PXDN: variants seen among roughly 807,000 people sequenced by gnomAD.
The protein encoded by PXDN is peroxidasin.
In PXDN, 77 loss-of-function variants were observed where a neutral mutation model predicts 140.3. The observed-to-expected ratio is 0.55, with a 90% CI of 0.46 to 0.66. The LOEUF is 0.66. Ranked by LOEUF, PXDN falls within the 30% of genes least tolerant of loss-of-function variation. The pLI, the probability that PXDN is intolerant of heterozygous loss-of-function variation, is 0.00. For synonymous variants in PXDN, 911 were observed against 857.4 expected, an observed-to-expected ratio of 1.06 and a Z score of -1.09; for missense variants, 1,838 against 2,039.5, an observed-to-expected ratio of 0.90 and a Z score of 1.90.
rs147023574 is a variant in PXDN at position 1,647,445 on chromosome 2, T to C, written c.3608+727A>G. Among the ~76,000 whole-genome samples the C allele has an allele frequency of 5.8e-3, 889 of 152,280 alleles. 12 individuals are homozygous for C. The highest frequency in any genetic ancestry group is 0.02 in the African/African-American group (841 of 41,542). On this transcript the variant is annotated intron_variant, in intron 17 of 22. Transcript: ENST00000252804. ...CTGGGTAGTGCTGTGGTCACTGCTT[T>C]GCCTGTAAAACTTTGCCATTTTTTC...
chr2:1,727,947 C>T (rs1427735415), intron 1 of PXDN, among the ~76,000 whole-genome samples: 1 of 152,132 alleles, frequency 6.6e-6, no homozygotes, highest in Non-Finnish European at 1.5e-5. Context: ...TTTGTTCTCT[C>T]TTCTTTGAGA....
intron 9 of PXDN, among the ~76,000 whole-genome samples, chr2:1,668,593 A>C (rs887229866): frequency 7.3e-6 from 1 of 136,922 alleles, no homozygotes; most frequent in Non-Finnish European, 1.6e-5. Context: ...AAGGAACTTA[A>C]ACAAATTTAC....
intron 1 of PXDN, among the ~76,000 whole-genome samples, chr2:1,723,087 G>GATGGATGAGTGGTT (rs1265613147): frequency 6.6e-6 from 1 of 152,190 alleles, no homozygotes. Flanking sequence ...TGGATGAATA[G>GATGGATGAGTGGTT]ATGGATGAGT....
chr2:1,742,285 C>A (rs866272504), intron 1 of PXDN, among the ~76,000 whole-genome samples: 10 of 152,334 alleles, frequency 6.6e-5, no homozygotes, highest in South Asian at 2.1e-4. Flanking sequence ...TAACAGCTAC[C>A]AGTCTACCTG....
At chr2:1,690,124 C>T (rs2125448872) in intron 3 of PXDN, among the ~76,000 whole-genome samples, 1 of 152,362 alleles carries the variant, frequency 6.6e-6, no homozygotes, top group East Asian at 1.9e-4. Context: ...ATCAAATGTA[C>T]TCCACCAATG....
At chr2:1,727,865 G>C (rs12714327) in intron 1 of PXDN, among the ~76,000 whole-genome samples, 1 of 152,048 alleles carries the variant, frequency 6.6e-6, no homozygotes, top group East Asian at 1.9e-4. Context: ...CTCCCCTAAA[G>C]AAGATTGGTT....
At position 1,654,295 on chromosome 2, in the gene PXDN, A is replaced by G. The variant is rs541153890; in HGVS notation, c.1946+105T>C. 74 of 738,074 alleles carry G rather than the reference A, an allele frequency of 1.0e-4. 1 individual carries two copies. The South Asian group carries it at 1.5e-3, about 15-fold the overall frequency. The allele number at this position is 738,074 out of a possible 1,614,324, so 45.7% of individuals were successfully genotyped here. A position where few individuals can be genotyped will look rare whatever the true frequency, so the allele number is the denominator to read the frequency against. On this transcript the variant is annotated intron_variant, in intron 15 of 22. Transcript: ENST00000252804. ...TAAACATTTTGATCATCAGATAATC[A>G]AATCAAAATTCATATATTAGAACTG...
chr2:1,648,046 C>A lies in PXDN; in HGVS notation c.3608+126G>T. On this transcript the variant is annotated intron_variant, in intron 17 of 22. Coordinates refer to ENST00000252804, the MANE Select transcript of PXDN (RefSeq NM_012293.3). The surrounding 1 kb of genome is among the most constrained non-coding windows in gnomAD (Gnocchi z 8.9). ...CCCATCTTGACCTTCATGGACTTGACCTTCATCTCACCTCTGCACGACACG... is the reference window on the plus strand; with the variant it reads ...CCCATCTTGACCTTCATGGACTTGAACTTCATCTCACCTCTGCACGACACG... 1.5e-6 allele frequency: 2 copies of A among 1,292,516 alleles called. No individual in the cohort carries two copies. The highest frequency in any genetic ancestry group is 1.9e-4 in the Middle Eastern group (1 of 5,170). The allele number at this position is 1,292,516 out of a possible 1,614,324, so 80.1% of individuals were successfully genotyped here.
At chr2:1,713,661 C>T (rs923498528) in intron 1 of PXDN, among the ~76,000 whole-genome samples, 33 of 152,318 alleles carry the variant, frequency 2.2e-4, no homozygotes, top group African/African-American at 7.5e-4. Flanking sequence ...AGCCTCGGTC[C>T]CCCCGAATGC....
At chr2:1,658,245 T>TTTCC (rs138478887) in intron 14 of PXDN, among the ~76,000 whole-genome samples, 1 of 137,338 alleles carries the variant, frequency 7.3e-6, no homozygotes, top group African/African-American at 3.6e-5. Context: ...GCTGTTGTCT[T>TTTCC]CAAATTTACA....
intron 17 of PXDN, 57 bp from the exon 18 acceptor site, chr2:1,644,809 T>C (rs1682814512): frequency 1.5e-6 from 2 of 1,337,406 alleles, no homozygotes; most frequent in African/African-American, 1.5e-5. Flanking sequence ...TGGTAAAAAA[T>C]ACAGCAAATA....
At chr2:1,690,257 A>T (rs1478639190) in intron 3 of PXDN, among the ~76,000 whole-genome samples, 1 of 152,130 alleles carries the variant, frequency 6.6e-6, no homozygotes, top group Non-Finnish European at 1.5e-5. Flanking sequence ...CCCCTTCACC[A>T]CTGGCCTGTG....
chr2:1,647,049 C>T (rs1296353028), intron 17 of PXDN, among the ~76,000 whole-genome samples: 1 of 152,096 alleles, frequency 6.6e-6, no homozygotes, highest in African/African-American at 2.4e-5. Flanking sequence ...CGCCTGCCAC[C>T]ACGCCCAGCT....
chr2:1,696,765 C>A (rs1047275525), intron 1 of PXDN, among the ~76,000 whole-genome samples: 2 of 152,200 alleles, frequency 1.3e-5, no homozygotes, highest in Non-Finnish European at 2.9e-5. Context: ...AACACAGCTA[C>A]ATCTGCACAC....
At chr2:1,674,006 A>G (rs1683638992) in intron 8 of PXDN, among the ~76,000 whole-genome samples, 194 bp from the exon 9 acceptor site, 1 of 152,214 alleles carries the variant, frequency 6.6e-6, no homozygotes, top group African/African-American at 2.4e-5. Flanking sequence ...GTATTTGCAC[A>G]TCTCATTCAC....
At chr2:1,636,592 A>G (rs990557333) in intron 21 of PXDN, 5 of 151,864 alleles carry the variant, frequency 3.3e-5, no homozygotes, top group African/African-American at 1.2e-4. Flanking sequence ...AATGCCTCAG[A>G]TACGGCTTCT....
intron 1 of PXDN, among the ~76,000 whole-genome samples, chr2:1,726,105 G>A (rs902819762): frequency 1.3e-5 from 2 of 152,110 alleles, no homozygotes; most frequent in African/African-American, 4.8e-5. Context: ...TATAAATCAT[G>A]CTGCTATAAA....
rs1429132228 is a variant in PXDN at position 1,692,004 on chromosome 2, G to A, written c.273-5C>T. Reference sequence around the variant, plus strand: ...ATCTGATTATTATTGAGAAGCCTATGAAAGAGAGTCGATAAGAATTTTAAA... The same window carrying A: ...ATCTGATTATTATTGAGAAGCCTATAAAAGAGAGTCGATAAGAATTTTAAA... On this transcript the variant is annotated splice_region_variant and splice_polypyrimidine_tract_variant and intron_variant, in intron 2 of 22. Transcript: ENST00000252804. 1.3e-6 allele frequency: 2 copies of A among 1,508,524 alleles called. No homozygotes were observed. Among genetic ancestry groups the A allele is most frequent in the Non-Finnish European group, 1.8e-6 (2 of 1,119,124 alleles). 93.4% of individuals were successfully genotyped at this position (1,508,524 alleles called of 1,614,324 possible).
chr2:1,649,409 C>T lies in PXDN; in HGVS notation c.2371G>A (p.Ala791Thr), dbSNP rs767012980. The T allele has an allele frequency of 4.3e-6, 7 of 1,613,934 alleles. No individual in the cohort carries two copies. The highest frequency in any genetic ancestry group is 2.2e-5 in the South Asian group (2 of 91,078). ...INPHRLYNGHALPMPRLVSTT... is the reference protein window; with the variant it reads ...INPHRLYNGHTLPMPRLVSTT... Reference sequence around the variant, plus strand: ...GACACCAGGCGCGGCATGGGAAGGGCGTGCCCGTTGTACAGTCGGTGGGGG... The same window carrying T: ...GACACCAGGCGCGGCATGGGAAGGGTGTGCCCGTTGTACAGTCGGTGGGGG... The change falls in exon 17 of 23, where the codon GCC becomes ACC. Residue 791 changes from alanine (A) to threonine (T), a missense_variant. By Grantham distance (58) the Ala-to-Thr change is moderately conservative. Transcript: ENST00000252804. The surrounding 1 kb of genome is among the most constrained non-coding windows in gnomAD (Gnocchi z 7.1).
Sources: gnomAD v4.1 joint callset for allele counts (sites outside exome capture counted in the v4.1 genomes callset) on GRCh38, gnomAD v4.1.1 for gene constraint, Gnocchi (gnomAD v3.1) non-coding constraint, MANE v1.5 for transcripts, NCBI Gene and HGNC (gene_info 2026-07-23, HGNC 2026-07-21) for gene names.